CD44: variants seen among roughly 807,000 people sequenced by gnomAD.
The protein encoded by CD44 is CD44 antigen.
A neutral mutation model predicts 88.8 loss-of-function variants in CD44; 49 were observed. The ratio of observed to expected loss-of-function variants is 0.55; its 90% CI spans 0.44 to 0.70. The LOEUF (loss-of-function observed/expected upper bound fraction) is 0.70. Among genes scored for constraint, CD44 ranks in the 30% least tolerant of loss-of-function variants. CD44 has a pLI of 0.00. For missense variants in CD44, 883 were observed against 913.8 expected (o/e 0.97, Z 0.43); for synonymous variants, 325 against 312.3 (o/e 1.04, Z -0.43).
intron 7 of CD44, 137 bp from the exon 8 acceptor site, chr11:35,200,945 A>T: frequency 1.4e-6 from 1 of 703,838 alleles, no homozygotes; most frequent in Non-Finnish European, 2.6e-6. Context: ...CTTTCCCTCC[A>T]TTTCCATGCA....
At chr11:35,179,861 A>G (rs1944823960) in intron 2 of CD44, among the ~76,000 whole-genome samples, 1 of 152,190 alleles carries the variant, frequency 6.6e-6, no homozygotes, top group African/African-American at 2.4e-5. Context: ...TATCTATGGA[A>G]GCTGGCCATT....
Position 35,139,248 on chromosome 11 carries a change from G to T in CD44, c.-56G>T. On this transcript the variant is annotated 5_prime_UTR_variant, in exon 1 of 18. Transcript: ENST00000428726. ...CCCGTCCTCCGCCGGCCCCTGCCCC[G>T]CGCCCAGGGATCCTCCAGCTCCTTT... 4 of 1,424,604 alleles carry T rather than the reference G, an allele frequency of 2.8e-6. No individual in the cohort carries two copies. Among genetic ancestry groups the T allele is most frequent in the Non-Finnish European group, 3.9e-6 (4 of 1,031,736 alleles). The allele number at this position is 1,424,604 out of a possible 1,614,324, so 88.2% of individuals were successfully genotyped here. A position where few individuals can be genotyped will look rare whatever the true frequency, so the allele number is the denominator to read the frequency against.
intron 1 of CD44, among the ~76,000 whole-genome samples, chr11:35,150,210 A>G (rs1860041632): frequency 6.6e-6 from 1 of 152,204 alleles, no homozygotes; most frequent in Non-Finnish European, 1.5e-5. Flanking sequence ...GCACAAAATT[A>G]ACCACAATAT....
intron 7 of CD44, 77 bp from the exon 8 acceptor site, chr11:35,201,005 C>A: frequency 2.0e-6 from 2 of 1,014,270 alleles, no homozygotes; most frequent in South Asian, 1.3e-5. Context: ...CCTACAGAAG[C>A]AAGACTATGT....
At chr11:35,200,303 T>C (rs1486065806) in intron 7 of CD44, among the ~76,000 whole-genome samples, 1 of 152,204 alleles carries the variant, frequency 6.6e-6, no homozygotes, top group Non-Finnish European at 1.5e-5. Context: ...ATCCTTCTGT[T>C]AGGTGCATCT....
chr11:35,201,798 T>C lies in CD44; in HGVS notation c.1153+11T>C. 1.9e-6 allele frequency: 3 copies of C among 1,613,272 alleles called. No homozygotes were observed. Among genetic ancestry groups the C allele is most frequent in the Non-Finnish European group, 2.5e-6 (3 of 1,179,452 alleles). On this transcript the variant is annotated intron_variant, in intron 9 of 17. Transcript: ENST00000428726. ...ATTCTACAAGCACAAGTAAGCAAGA[T>C]GGCGGTCGGCAGTTCTGGGTTAGAT...
intron 1 of CD44, among the ~76,000 whole-genome samples, chr11:35,161,489 T>A (rs1257862380): frequency 6.6e-6 from 1 of 152,134 alleles, no homozygotes; most frequent in African/African-American, 2.4e-5. Flanking sequence ...ATGGCATAGA[T>A]GTCAGGGGGT....
chr11:35,167,234 A>G (rs1235619358), intron 1 of CD44, among the ~76,000 whole-genome samples: 1 of 151,958 alleles, frequency 6.6e-6, no homozygotes, highest in East Asian at 1.9e-4. Flanking sequence ...GAAATCTGCA[A>G]TTATGAACCA....
At chr11:35,172,642 T>C (rs1289822256) in intron 1 of CD44, among the ~76,000 whole-genome samples, 1 of 152,208 alleles carries the variant, frequency 6.6e-6, no homozygotes, top group Non-Finnish European at 1.5e-5. Context: ...TGGGACATTG[T>C]CCTGATGAAC....
At chr11:35,180,544 A>G in intron 3 of CD44, 137 bp downstream of exon 3, 2 of 908,156 alleles carry the variant, frequency 2.2e-6, no homozygotes, top group African/African-American at 3.3e-5. Flanking sequence ...CAGAGCCAAC[A>G]TTCCTGTCTC....
chr11:35,210,172 T>A (rs949542654), intron 13 of CD44, 118 bp downstream of exon 13: 1 of 587,470 alleles, frequency 1.7e-6, no homozygotes. Flanking sequence ...CTGTTACTTT[T>A]AATCAAAAGG....
At chr11:35,182,039 T>TTA (rs1381031483) in intron 3 of CD44, among the ~76,000 whole-genome samples, 3 of 129,516 alleles carry the variant, frequency 2.3e-5, no homozygotes, top group African/African-American at 5.8e-5. Context: ...ATATACACAT[T>TTA]TATATATATA....
intron 3 of CD44, among the ~76,000 whole-genome samples, chr11:35,182,806 C>T (rs570226352): frequency 1.7e-4 from 26 of 152,256 alleles, no homozygotes; most frequent in African/African-American, 6.3e-4. Context: ...TTGAGTCTTG[C>T]TGAGTGAATG....
In CD44 at chr11:35,229,292, A is replaced by G. The variant is rs188636640; in HGVS notation, c.2188A>G (p.Thr730Ala). 4.3e-6 allele frequency: 7 copies of G among 1,613,900 alleles called. No homozygotes were observed. In the Admixed American group the frequency reaches 1.0e-4, roughly 23 times the overall value. ...AGACCAGTTTATGACAGCTGATGAG[A>G]CAAGGAACCTGCAGAATGTGGACAT... ...TPDQFMTADE[T>A]RNLQNVDMKI... The change falls in exon 18 of 18, where the codon ACA becomes GCA. Residue 730 changes from threonine to alanine, a missense_variant. Thr to Ala is a moderately conservative substitution (Grantham distance 58). Transcript: ENST00000428726.
At chr11:35,139,395 A>T in intron 1 of CD44, 25 bp downstream of exon 1, 1 of 1,553,108 alleles carries the variant, frequency 6.4e-7, no homozygotes, top group South Asian at 1.2e-5. Context: ...CAGCCTGGGC[A>T]GCAAGATGGG....
chr11:35,170,469 T>G (rs1322507517), intron 1 of CD44, among the ~76,000 whole-genome samples: 1 of 152,176 alleles, frequency 6.6e-6, no homozygotes, highest in African/African-American at 2.4e-5. Context: ...CACAGCCCTA[T>G]AGTAATGAGC....
rs142918796 is a variant in CD44, at chr11:35,215,509, T to G, written c.1873+595T>G. On this transcript the variant is annotated intron_variant, in intron 15 of 17. Coordinates refer to ENST00000428726, the MANE Select transcript of CD44 (RefSeq NM_000610.4). ...TCACTGGTATTTGTTGGGAATTTAC[T>G]GTGTGCCAGCAGCATCTTTCTAAAC... 3.3e-5 allele frequency among the ~76,000 whole-genome samples: 5 copies of G among 152,342 alleles called. No homozygotes were observed. In the East Asian group the frequency reaches 9.6e-4, roughly 29 times the overall value.
intron 1 of CD44, among the ~76,000 whole-genome samples, chr11:35,149,248 G>A (rs1859826801): frequency 6.6e-6 from 1 of 152,156 alleles, no homozygotes; most frequent in Non-Finnish European, 1.5e-5. Flanking sequence ...GTTTCTTTCG[G>A]TCAATGGTTT....
chr11:35,167,121 T>C (rs911458170), intron 1 of CD44, among the ~76,000 whole-genome samples: 2 of 152,244 alleles, frequency 1.3e-5, no homozygotes, highest in Admixed American at 6.5e-5. Flanking sequence ...AAATGACTTC[T>C]TCGTGTCCTA....
Sources: gnomAD v4.1 joint callset for allele counts (sites outside exome capture counted in the v4.1 genomes callset) on GRCh38, gnomAD v4.1.1 for gene constraint, MANE v1.5 for transcripts, NCBI Gene and HGNC (gene_info 2026-07-23, HGNC 2026-07-21) for gene names.